HECTD4: variants seen among roughly 807,000 people sequenced by gnomAD.
HECTD4 encodes probable E3 ubiquitin-protein ligase HECTD4.
HECTD4 carries 114 observed loss-of-function variants against 471.5 expected under a neutral mutation model. That is an observed-to-expected ratio of 0.24 (90% CI 0.21 to 0.28). The LOEUF is 0.28. Ranked by LOEUF, HECTD4 falls within the 10% of genes least tolerant of loss-of-function variation. The pLI, the probability that HECTD4 is intolerant of heterozygous loss-of-function variation, is 1.00. For synonymous variants in HECTD4, 2,012 were observed against 2,256.0 expected, an observed-to-expected ratio of 0.89 and a Z score of 3.07; for missense variants, 3,866 against 5,651.5, an observed-to-expected ratio of 0.68 and a Z score of 10.13.
chr12:112,221,059 C>A (rs1022130704), intron 44 of HECTD4, among the ~76,000 whole-genome samples: 2 of 152,148 alleles, frequency 1.3e-5, no homozygotes, highest in Non-Finnish European at 2.9e-5. Flanking sequence ...TCAAGTGATC[C>A]TCCCACCTCA....
chr12:112,176,523 C>G, intron 65 of HECTD4, 73 bp downstream of exon 65: 1 of 1,056,260 alleles, frequency 9.5e-7, no homozygotes. Context: ...CAGAGGCCTG[C>G]TCCTCGGGGG....
At chr12:112,256,889 C>T (rs2034025628) in intron 20 of HECTD4, 1 of 155,168 alleles carries the variant, frequency 6.4e-6, no homozygotes, top group South Asian at 2.1e-4. Context: ...TGTAAAGGAT[C>T]TTTAAGATTG....
At chr12:112,289,158 G>A (rs911407590) in intron 7 of HECTD4, among the ~76,000 whole-genome samples, 1 of 151,982 alleles carries the variant, frequency 6.6e-6, no homozygotes, top group Non-Finnish European at 1.5e-5. Context: ...GGAGTGCAGT[G>A]GCACGATCAT....
intron 16 of HECTD4, 49 bp from the exon 17 acceptor site, chr12:112,264,261 G>A (rs1320332115): frequency 7.0e-7 from 1 of 1,425,366 alleles, no homozygotes; most frequent in Admixed American, 2.5e-5. Context: ...TACTGAAAGA[G>A]CGATCATGTA....
intron 1 of HECTD4, among the ~76,000 whole-genome samples, chr12:112,340,622 C>G (rs1273375955): frequency 6.6e-6 from 1 of 152,148 alleles, no homozygotes; most frequent in Admixed American, 6.5e-5. Context: ...TGATCTGGCT[C>G]AAAATGTCAA....
rs927656297 is a variant in HECTD4 at position 112,179,799 on chromosome 12, T to C, written c.10988-402A>G. On this transcript the variant is annotated intron_variant, in intron 62 of 75. Transcript: ENST00000682272. This position sits in a 1 kb window ranked among gnomAD's most constrained non-coding sequence, Gnocchi z 4.3. The stretch of plus-strand genomic sequence containing the variant: ...ATTGTCCTCCTGGGGCTATTTATCA[T>C]AGCAGTTTAGTCTAGAATAATCCCA... Among the ~76,000 whole-genome samples, 2 of 152,222 alleles carry C rather than the reference T, an allele frequency of 1.3e-5. No individual in the cohort carries two copies. The highest frequency in any genetic ancestry group is 2.9e-5 in the Non-Finnish European group (2 of 68,032).
intron 4 of HECTD4, among the ~76,000 whole-genome samples, chr12:112,312,059 C>A (rs757064897): frequency 6.6e-6 from 1 of 152,154 alleles, no homozygotes; most frequent in East Asian, 1.9e-4. Flanking sequence ...GATTCTCCTC[C>A]GTGCTGGTGG....
intron 70 of HECTD4, 75 bp downstream of exon 70, chr12:112,169,428 T>A (rs1593889162): frequency 2.8e-6 from 4 of 1,449,146 alleles, no homozygotes; most frequent in Non-Finnish European, 3.7e-6. Flanking sequence ...GAAATGGAGG[T>A]CTTGGGCAGC....
chr12:112,358,487 TTA>T (rs1461591367), intron 1 of HECTD4, among the ~76,000 whole-genome samples: 2 of 152,134 alleles, frequency 1.3e-5, no homozygotes, highest in Non-Finnish European at 2.9e-5. Flanking sequence ...TATGTAAATT[TTA>T]TGTTATGAAT....
At chr12:112,332,540 CAA>C (rs58503491) in intron 1 of HECTD4, among the ~76,000 whole-genome samples, 13 of 63,010 alleles carry the variant, frequency 2.1e-4, no homozygotes, top group Admixed American at 5.0e-4. Context: ...GACTCTGTCT[CAA>C]AAAAAAAAAA....
At chr12:112,215,965 G>A (rs570368597) in intron 48 of HECTD4, among the ~76,000 whole-genome samples, 11 of 152,314 alleles carry the variant, frequency 7.2e-5, no homozygotes, top group Admixed American at 3.3e-4. Context: ...CTCACAGCTA[G>A]AGGTGGAGTT....
chr12:112,317,890 G>A (rs2135698041), intron 2 of HECTD4, among the ~76,000 whole-genome samples: 1 of 145,766 alleles, frequency 6.9e-6, no homozygotes, highest in African/African-American at 2.6e-5. Flanking sequence ...TGAGGTGGGA[G>A]GATCACAGTG....
At chr12:112,301,801 T>C (rs1015333026) in intron 7 of HECTD4, 2 of 145,644 alleles carry the variant, frequency 1.4e-5, no homozygotes, top group African/African-American at 2.0e-4. Flanking sequence ...CAGCTAGCTG[T>C]TTTTTTTTTT....
At chr12:112,177,212 TA>T (rs1352502412) in intron 64 of HECTD4, among the ~76,000 whole-genome samples, 1 of 152,196 alleles carries the variant, frequency 6.6e-6, no homozygotes, top group Non-Finnish European at 1.5e-5. Flanking sequence ...AATTAACTTT[TA>T]AAAACCTTTA....
At position 112,313,081 on chromosome 12, in the gene HECTD4, T is replaced by C; in HGVS notation, c.852A>G (p.Ser284=). The change falls in exon 4 of 76, where the codon TCA becomes TCG. Residue 284 remains serine, a synonymous_variant. Transcript: ENST00000682272. ...CAGGCAACATGTCTTCATAACCCCA[T>C]GATACTATGTGTTTGCCCCCAAGCA... ...SCLLGGKHIV[S]WGYEDMLPAP... The C allele has an allele frequency of 1.3e-6, 2 of 1,535,782 alleles. No individual in the cohort carries two copies. The highest frequency in any genetic ancestry group is 1.7e-6 in the Non-Finnish European group (2 of 1,146,730).
In HECTD4 at chr12:112,188,154, T is replaced by C. The variant is rs2031948299; in HGVS notation, c.9472+2632A>G. On this transcript the variant is annotated intron_variant, in intron 60 of 75. Transcript: ENST00000682272. The surrounding 1 kb of genome is among the most constrained non-coding windows in gnomAD (Gnocchi z 4.2). ...ATACAAAAAAATTAGCTGGGCATGG[T>C]AGCGGGCGCCTGTATTCCCAACTAC... Among the ~76,000 whole-genome samples, 1 of 151,996 alleles carries C rather than the reference T, an allele frequency of 6.6e-6. No homozygotes were observed. The highest frequency in any genetic ancestry group is 1.5e-5 in the Non-Finnish European group (1 of 67,980).
chr12:112,311,219 G>A (rs1431655715), intron 4 of HECTD4, among the ~76,000 whole-genome samples: 1 of 151,448 alleles, frequency 6.6e-6, no homozygotes, highest in Non-Finnish European at 1.5e-5. Context: ...CCAAGATCGC[G>A]CCACTGCACT....
Position 112,171,246 on chromosome 12 carries a change from G to A in HECTD4, c.11803C>T (p.Leu3935=). ...TGCAGCAAGGCGAAGCGCAGGCGCA[G>A]GCTCTCGATGGGCACGTCTGAGGGC... The part of the protein sequence containing the change: ...ACLLNVPIES[L]RLRFALLQSL... The change falls in exon 68 of 76, where the codon CTG becomes TTG. Residue 3935 remains leucine, a synonymous_variant. Transcript: ENST00000682272. 6.2e-7 allele frequency: 1 copy of A among 1,607,638 alleles called. No homozygotes were observed. Among genetic ancestry groups the A allele is most frequent in the Non-Finnish European group, 8.5e-7 (1 of 1,177,282 alleles).
chr12:112,235,647 C>T lies in HECTD4; in HGVS notation c.5582G>A (p.Ser1861Asn), dbSNP rs1566082503. 6.2e-7 allele frequency: 1 copy of T among 1,614,010 alleles called. No individual in the cohort carries two copies. Among genetic ancestry groups the T allele is most frequent in the African/African-American group, 1.3e-5 (1 of 75,030 alleles). Residue 1861 changes from serine to asparagine, a missense_variant, in exon 36 of 76, where the codon AGC becomes AAC. Around this residue, in one of 16 missense-constraint regions of HECTD4, gnomAD observed 617 missense variants for 915.1 expected, o/e 0.67. Transcript: ENST00000682272. This position sits in a 1 kb window ranked among gnomAD's most constrained non-coding sequence, Gnocchi z 5.0. ...CTCCACGTTTCCACAGTCTTCTACG[C>T]TCATCAGGGGCAGCGCCGCCCGGCA... ...QLCRAALPLM[S>N]VEDCGNVELP...
Sources: gnomAD v4.1 joint callset for allele counts (sites outside exome capture counted in the v4.1 genomes callset) on GRCh38, gnomAD v4.1.1 for gene constraint, gnomAD v4.1.1 regional missense constraint, Gnocchi (gnomAD v3.1) non-coding constraint, MANE v1.5 for transcripts, NCBI Gene and HGNC (gene_info 2026-07-23, HGNC 2026-07-21) for gene names.